Variants in GLI2 observed in about 807,000 individuals in gnomAD.
GLI2 encodes the protein transcription activator GLI2.
In GLI2, 22 loss-of-function variants were observed where a neutral mutation model predicts 78.9. The observed-to-expected ratio is 0.28, with a 90% CI of 0.20 to 0.40. The LOEUF is 0.40. Ranked by LOEUF, GLI2 falls within the 10% of genes least tolerant of loss-of-function variation. The probability of loss-of-function intolerance (pLI) is 1.00; values close to 1 mark genes in which losing one functional copy is unlikely to be tolerated. For missense variants in GLI2, 2,097 were observed against 2,213.2 expected (o/e 0.95, Z 1.05); for synonymous variants, 974 against 963.7 (o/e 1.01, Z -0.20).
intron 3 of GLI2, among the ~76,000 whole-genome samples, chr2:120,942,331 G>T (rs1278153203): frequency 2.6e-5 from 4 of 152,190 alleles, no homozygotes; most frequent in Admixed American, 2.0e-4. Context: ...CCCCAGGGGA[G>T]ACTCTGTCCT....
rs187515620 is a variant in GLI2 at position 120,740,097 on chromosome 2, T to C, written c.-31+3812T>C. On this transcript the variant is annotated intron_variant, in intron 1 of 13. Transcript: ENST00000361492. ...ATTAATTTGAGGGTTTGCTGTGGAA[T>C]ATCAAGAATTAAAAAAAAAATCATT... Among the ~76,000 whole-genome samples the C allele has an allele frequency of 6.3e-3, 921 of 145,420 alleles. 15 individuals are homozygous for C. The highest frequency in any genetic ancestry group is 7.4e-3 in the Middle Eastern group (2 of 272).
chr2:120,861,447 C>G (rs1043103223), intron 2 of GLI2, among the ~76,000 whole-genome samples: 3 of 152,204 alleles, frequency 2.0e-5, no homozygotes, highest in African/African-American at 7.2e-5. Flanking sequence ...GGAGGGGTCC[C>G]AGTCCTGGGC....
intron 2 of GLI2, among the ~76,000 whole-genome samples, chr2:120,905,505 C>T (rs1346832772): frequency 6.6e-6 from 1 of 152,190 alleles, no homozygotes; most frequent in Non-Finnish European, 1.5e-5. Context: ...CAAGGTCACC[C>T]AGCTGTTAAG....
intron 6 of GLI2, among the ~76,000 whole-genome samples, chr2:120,969,842 C>T (rs1485473205): frequency 6.6e-6 from 1 of 152,220 alleles, no homozygotes; most frequent in Non-Finnish European, 1.5e-5. Context: ...TGAGAGGAAG[C>T]TGGAGGAAGC....
chr2:120,878,903 G>A (rs1688897027), intron 2 of GLI2, among the ~76,000 whole-genome samples: 1 of 151,914 alleles, frequency 6.6e-6, no homozygotes, highest in Admixed American at 6.6e-5. Flanking sequence ...ACTCCAGCCT[G>A]GGTGACAGAG....
rs192860633 is a variant in GLI2, at chr2:120,805,179, G to A, written c.148+7711G>A. On this transcript the variant is annotated intron_variant, in intron 2 of 13. Coordinates refer to ENST00000361492, the MANE Select transcript of GLI2 (RefSeq NM_001374353.1). ...GCTGCCGTCCAGAATCAGCCTGGCCGCCCCATTTCCCCAAGCACAACAGGT... is the reference window on the plus strand; with the variant it reads ...GCTGCCGTCCAGAATCAGCCTGGCCACCCCATTTCCCCAAGCACAACAGGT... Among the ~76,000 whole-genome samples, 91 of 152,320 alleles carry A rather than the reference G, an allele frequency of 6.0e-4. 1 individual carries two copies. The highest frequency in any genetic ancestry group is 1.9e-3 in the African/African-American group (78 of 41,576).
intron 2 of GLI2, among the ~76,000 whole-genome samples, chr2:120,826,296 G>A: frequency 6.6e-6 from 1 of 152,238 alleles, no homozygotes; most frequent in East Asian, 1.9e-4. Flanking sequence ...GCCAGGTTGG[G>A]CGTGAGGGTC....
intron 5 of GLI2, among the ~76,000 whole-genome samples, chr2:120,960,760 G>C (rs776271367): frequency 2.6e-5 from 4 of 152,222 alleles, no homozygotes; most frequent in Non-Finnish European, 5.9e-5. Context: ...GGATTGGAAA[G>C]CCAAGCCCTG....
chr2:120,739,144 G>A (rs1273954916), intron 1 of GLI2, among the ~76,000 whole-genome samples: 2 of 152,098 alleles, frequency 1.3e-5, no homozygotes, highest in African/African-American at 2.4e-5. Flanking sequence ...AATACTTCAC[G>A]CTTTTTGTAC....
chr2:120,785,082 G>A (rs985586884), intron 1 of GLI2, among the ~76,000 whole-genome samples: 17 of 152,198 alleles, frequency 1.1e-4, no homozygotes, highest in African/African-American at 4.1e-4. Context: ...CCTTGAGCCG[G>A]CGCATGTCCA....
chr2:120,799,662 T>A (rs1684599512), intron 2 of GLI2, among the ~76,000 whole-genome samples: 1 of 152,196 alleles, frequency 6.6e-6, no homozygotes, highest in African/African-American at 2.4e-5. Context: ...CTAATCTGTG[T>A]CGAGAGTGGA....
chr2:120,837,389 A>G (rs13394071), intron 2 of GLI2, among the ~76,000 whole-genome samples: 37,853 of 140,810 alleles, frequency 0.27, 5,688 homozygotes, highest in African/African-American at 0.41. Context: ...GCGAGACTCC[A>G]TCTCAAAAAA....
chr2:120,937,647 G>A (rs1278203736), intron 3 of GLI2, among the ~76,000 whole-genome samples: 1 of 152,210 alleles, frequency 6.6e-6, no homozygotes, highest in African/African-American at 2.4e-5. Context: ...TTCCAATGAG[G>A]GGCCTCCACT....
chr2:120,766,291 T>C (rs1243007785), intron 1 of GLI2, among the ~76,000 whole-genome samples: 1 of 152,072 alleles, frequency 6.6e-6, no homozygotes, highest in Admixed American at 6.5e-5. Flanking sequence ...ACCCAGACAG[T>C]GTGAAGAGCG....
chr2:120,788,091 C>T (rs1684048127), intron 1 of GLI2, among the ~76,000 whole-genome samples: 1 of 152,204 alleles, frequency 6.6e-6, no homozygotes, highest in Non-Finnish European at 1.5e-5. Context: ...CCATGTGAGA[C>T]ATTCTGTTTA....
chr2:120,988,608 C>A lies in GLI2; in HGVS notation c.2643C>A (p.Gly881=), dbSNP rs1301009524. The change falls in exon 14 of 14, where the codon GGC becomes GGA. Residue 881 remains glycine (G), a synonymous_variant. Transcript: ENST00000361492. The part of the protein sequence containing the change: ...SLRAKYAAAT[G]GPPPTPLPGL... ...GGGCCAAGTACGCGGCAGCCACTGGCGGCCCCCCGCCCACTCCGCTGCCGG... is the reference window on the plus strand; with the variant it reads ...GGGCCAAGTACGCGGCAGCCACTGGAGGCCCCCCGCCCACTCCGCTGCCGG... The A allele has an allele frequency of 2.0e-6, 3 of 1,476,370 alleles. No individual in the cohort carries two copies. The highest frequency in any genetic ancestry group is 1.8e-6 in the Non-Finnish European group (2 of 1,119,308). The allele number at this position is 1,476,370 out of a possible 1,614,324, so 91.5% of individuals were successfully genotyped here. A position where few individuals can be genotyped will look rare whatever the true frequency, so the allele number is the denominator to read the frequency against.
At chr2:120,821,984 G>T (rs1432956797) in intron 2 of GLI2, among the ~76,000 whole-genome samples, 1 of 152,366 alleles carries the variant, frequency 6.6e-6, no homozygotes, top group African/African-American at 2.4e-5. Context: ...CCACCAGGCT[G>T]CTTGTCAACT....
chr2:120,813,330 T>G (rs935797506), intron 2 of GLI2, among the ~76,000 whole-genome samples: 14 of 152,174 alleles, frequency 9.2e-5, no homozygotes, highest in African/African-American at 3.4e-4. Context: ...CTTTGAAATC[T>G]TTTCCCGGAG....
intron 2 of GLI2, among the ~76,000 whole-genome samples, chr2:120,847,763 G>GT (rs1263618477): frequency 1.3e-4 from 20 of 151,738 alleles, no homozygotes; most frequent in African/African-American, 4.6e-4. Flanking sequence ...GGCAGGGGCG[G>GT]GGGGGCGGTG....
Sources: allele counts gnomAD v4.1 joint callset (sites outside exome capture counted in the v4.1 genomes callset), GRCh38; gene constraint gnomAD v4.1.1; transcripts MANE v1.5; gene names NCBI Gene and HGNC (gene_info 2026-07-23, HGNC 2026-07-21).